The following BCKDHB variants were observed in gnomAD, a reference collection of about 807,000 sequenced individuals.
BCKDHB encodes the protein 2-oxoisovalerate dehydrogenase subunit beta, mitochondrial.
Under a neutral mutation model 48.5 loss-of-function variants are expected in BCKDHB, and 41 were observed. That is an observed-to-expected ratio of 0.85 (90% CI 0.66 to 1.10). The LOEUF (loss-of-function observed/expected upper bound fraction) is 1.10, where lower values mean the gene tolerates loss of function less well. BCKDHB is among the 50% of genes least tolerant of loss of function. The probability of loss-of-function intolerance (pLI) is 0.00; values close to 1 mark genes in which losing one functional copy is unlikely to be tolerated. For synonymous variants in BCKDHB, 201 were observed against 174.8 expected (o/e 1.15, Z -1.18); for missense variants, 496 against 494.2 (o/e 1.00, Z -0.03).
intron 8 of BCKDHB, among the ~76,000 whole-genome samples, chr6:80,268,647 T>C (rs1239038867): frequency 6.6e-6 from 1 of 152,118 alleles, no homozygotes; most frequent in African/African-American, 2.4e-5. Flanking sequence ...GATAAATGTT[T>C]TGCTTTTCAA....
At chr6:80,367,468 A>G in the BCKDHB span, among the ~76,000 whole-genome samples, 21 of 152,198 alleles carry the variant, frequency 1.4e-4, no homozygotes, top group East Asian at 3.9e-3. Flanking sequence ...AACAAACTCT[A>G]CTGTTTTTTT....
the BCKDHB span, among the ~76,000 whole-genome samples, chr6:80,403,531 G>A: frequency 5.9e-5 from 9 of 151,780 alleles, no homozygotes; most frequent in South Asian, 4.1e-4. Flanking sequence ...CAAACAGAGG[G>A]AGTTTCACTT....
chr6:80,226,757 C>T (rs746379213), intron 8 of BCKDHB, among the ~76,000 whole-genome samples: 12 of 152,162 alleles, frequency 7.9e-5, no homozygotes, highest in Middle Eastern at 3.2e-3. Flanking sequence ...CTGCCTTCAG[C>T]GTTTTTGAGG....
intron 9 of BCKDHB, among the ~76,000 whole-genome samples, chr6:80,303,102 C>CTTT (rs1767668161): frequency 6.6e-6 from 1 of 152,042 alleles, no homozygotes; most frequent in Non-Finnish European, 1.5e-5. Flanking sequence ...CACCTATTAC[C>CTTT]TGAACTCAAA....
At chr6:80,236,070 A>C (rs1295794677) in intron 8 of BCKDHB, among the ~76,000 whole-genome samples, 1 of 152,220 alleles carries the variant, frequency 6.6e-6, no homozygotes, top group Middle Eastern at 3.2e-3. Context: ...TTAATTTTTC[A>C]ATCTCAAGTT....
chr6:80,343,306 G>T (rs886137436), intron 9 of BCKDHB, among the ~76,000 whole-genome samples: 5 of 152,070 alleles, frequency 3.3e-5, no homozygotes, highest in Admixed American at 3.3e-4. Flanking sequence ...AAATGAGAAG[G>T]TATATATTAT....
intron 1 of BCKDHB, among the ~76,000 whole-genome samples, chr6:80,122,080 G>A (rs936267228): frequency 1.9e-4 from 29 of 152,076 alleles, no homozygotes; most frequent in Admixed American, 5.9e-4. Context: ...GAATTTTGTC[G>A]AAGGCCTTTT....
chr6:80,347,549 C>T (rs1770267860), downstream of BCKDHB, among the ~76,000 whole-genome samples: 1 of 152,112 alleles, frequency 6.6e-6, no homozygotes, highest in Non-Finnish European at 1.5e-5. Context: ...TTTGTTATGG[C>T]TGTTGTATCT....
intron 1 of BCKDHB, among the ~76,000 whole-genome samples, chr6:80,109,158 T>C (rs1769285485): frequency 6.6e-6 from 1 of 152,192 alleles, no homozygotes; most frequent in Non-Finnish European, 1.5e-5. Context: ...GCCTTGGCTG[T>C]CTATAACTTT....
chr6:80,362,424 T>G, the BCKDHB span, among the ~76,000 whole-genome samples: 1 of 152,150 alleles, frequency 6.6e-6, no homozygotes, highest in Admixed American at 6.5e-5. Flanking sequence ...CTGCTCAGTG[T>G]AGTCAGAAGT....
At chr6:80,238,867 T>C (rs1293554488) in intron 8 of BCKDHB, among the ~76,000 whole-genome samples, 1 of 152,104 alleles carries the variant, frequency 6.6e-6, no homozygotes, top group Non-Finnish European at 1.5e-5. Context: ...TTGCTGTCCT[T>C]GTGATAGTTT....
intron 9 of BCKDHB, among the ~76,000 whole-genome samples, chr6:80,301,003 C>A (rs560558433): frequency 9.2e-5 from 14 of 152,064 alleles, no homozygotes; most frequent in Admixed American, 2.0e-4. Context: ...AATAGGGACA[C>A]AATTTACCAA....
intron 6 of BCKDHB, among the ~76,000 whole-genome samples, chr6:80,198,998 G>A (rs537955672): frequency 1.3e-5 from 2 of 152,220 alleles, no homozygotes; most frequent in South Asian, 2.1e-4. Context: ...CCTAGATGCC[G>A]GATTTGCCTC....
chr6:80,373,752 T>C, the BCKDHB span, among the ~76,000 whole-genome samples: 24 of 152,204 alleles, frequency 1.6e-4, no homozygotes, highest in Admixed American at 1.6e-3. Context: ...TTTATCATTA[T>C]GTAATGTGCC....
At chr6:80,137,503 C>G (rs1037469823) in intron 3 of BCKDHB, among the ~76,000 whole-genome samples, 3 of 152,162 alleles carry the variant, frequency 2.0e-5, no homozygotes, top group African/African-American at 7.2e-5. Flanking sequence ...GTCCTTCCGC[C>G]TCTCACAGTA....
chr6:80,463,839 A>G, the BCKDHB span, among the ~76,000 whole-genome samples: 1 of 152,208 alleles, frequency 6.6e-6, no homozygotes, highest in Non-Finnish European at 1.5e-5. Flanking sequence ...AATGAAACTC[A>G]GACAGGTAAA....
chr6:80,113,215 A>T (rs1264710365), intron 1 of BCKDHB, among the ~76,000 whole-genome samples: 1 of 152,226 alleles, frequency 6.6e-6, no homozygotes, highest in Non-Finnish European at 1.5e-5. Context: ...ACACGTAAGG[A>T]TCATGGACTA....
At position 80,283,209 on chromosome 6, in the gene BCKDHB, A is replaced by T. The variant is rs114525885; in HGVS notation, c.1038+9988A>T. ...TTTAATTTTTCTGTATTAATCAGTA[A>T]TGATACTGAAACTGACATTACTAGC... On this transcript the variant is annotated intron_variant, in intron 9 of 9. Transcript: ENST00000320393. 5.1e-3 allele frequency among the ~76,000 whole-genome samples: 774 copies of T among 152,218 alleles called. 6 individuals are homozygous for T. Among genetic ancestry groups the T allele is most frequent in the African/African-American group, 0.018 (739 of 41,562 alleles).
At chr6:80,352,252 A>G in the BCKDHB span, among the ~76,000 whole-genome samples, 1 of 152,066 alleles carries the variant, frequency 6.6e-6, no homozygotes, top group Middle Eastern at 3.4e-3. Flanking sequence ...TGCTGGGACT[A>G]CAGGTGTGAG....
Sources: gnomAD v4.1 joint callset for allele counts (sites outside exome capture counted in the v4.1 genomes callset) on GRCh38, gnomAD v4.1.1 for gene constraint, MANE v1.5 for transcripts, NCBI Gene and HGNC (gene_info 2026-07-23, HGNC 2026-07-21) for gene names.